POLR1A: variants seen among roughly 807,000 people sequenced by gnomAD.
The protein encoded by POLR1A is DNA-directed RNA polymerase I subunit RPA1.
A neutral mutation model predicts 205.3 loss-of-function variants in POLR1A; 84 were observed. That is an observed-to-expected ratio of 0.41 (90% CI 0.34 to 0.49). The LOEUF is 0.49. POLR1A is among the 20% of genes least tolerant of loss of function. POLR1A has a pLI of 0.22. For missense variants in POLR1A, 1,645 were observed against 2,204.5 expected (o/e 0.75, Z 5.08); for synonymous variants, 799 against 863.7 (o/e 0.93, Z 1.31).
At chr2:86,097,710 G>C (rs1435334317) in intron 3 of POLR1A, among the ~76,000 whole-genome samples, 5 of 152,138 alleles carry the variant, frequency 3.3e-5, no homozygotes, top group African/African-American at 1.2e-4. Flanking sequence ...AGAAGTAAAA[G>C]TAGAATAGAG....
At chr2:86,072,093 T>G (rs1336448286) in intron 12 of POLR1A, among the ~76,000 whole-genome samples, 1 of 152,206 alleles carries the variant, frequency 6.6e-6, no homozygotes, top group Non-Finnish European at 1.5e-5. Flanking sequence ...TCTCCCCGAT[T>G]CCTGTTCAGT....
chr2:86,057,995 C>A (rs1295649726), intron 14 of POLR1A, among the ~76,000 whole-genome samples: 1 of 152,186 alleles, frequency 6.6e-6, no homozygotes, highest in African/African-American at 2.4e-5. Flanking sequence ...AGTGCTGTGG[C>A]ACAATCATAG....
chr2:86,049,109 C>A, intron 17 of POLR1A, 51 bp downstream of exon 17: 1 of 1,610,686 alleles, frequency 6.2e-7, no homozygotes, highest in Non-Finnish European at 8.5e-7. Context: ...TTTGACTCAG[C>A]ACACACTTCA....
At chr2:86,082,210 A>T (rs1330590363) in intron 7 of POLR1A, among the ~76,000 whole-genome samples, 1 of 152,082 alleles carries the variant, frequency 6.6e-6, no homozygotes, top group Non-Finnish European at 1.5e-5. Context: ...TGATAGCATA[A>T]AAATGGGTAC....
In POLR1A at chr2:86,060,547, C is replaced by T. The variant is rs1672975577; in HGVS notation, c.2058+4727G>A. The stretch of plus-strand genomic sequence containing the variant: ...AAACATACCCACTCATATATTACTA[C>T]TTGGTTTGTGACACAGGAGTACTAG... On this transcript the variant is annotated intron_variant, in intron 14 of 33. Transcript: ENST00000263857. Among the ~76,000 whole-genome samples, 2 of 152,164 alleles carry T rather than the reference C, an allele frequency of 1.3e-5. 1 individual carries two copies. Among genetic ancestry groups the T allele is most frequent in the South Asian group, 4.1e-4 (2 of 4,824 alleles).
chr2:86,092,371 G>A lies in POLR1A; in HGVS notation c.433-2442C>T, dbSNP rs187016929. Among the ~76,000 whole-genome samples the A allele has an allele frequency of 7.2e-5, 11 of 152,328 alleles. No individual in the cohort carries two copies. In the East Asian group the frequency reaches 1.2e-3, roughly 16 times the overall value. On this transcript the variant is annotated intron_variant, in intron 3 of 33. Coordinates refer to ENST00000263857, the MANE Select transcript of POLR1A (RefSeq NM_015425.6). ...CTAGGCCAGGGGGGCTCCCATAGCC[G>A]CTGATGTGATCTCGTTCCTTTGCGT...
At chr2:86,093,728 G>A (rs1673652419) in intron 3 of POLR1A, among the ~76,000 whole-genome samples, 1 of 152,170 alleles carries the variant, frequency 6.6e-6, no homozygotes. Context: ...TACTCGTGAG[G>A]CTGAGGTGGG....
chr2:86,054,216 A>C lies in POLR1A; in HGVS notation c.2132T>G (p.Ile711Ser). The C allele has an allele frequency of 6.2e-7, 1 of 1,613,924 alleles. No homozygotes were observed. The highest frequency in any genetic ancestry group is 8.5e-7 in the Non-Finnish European group (1 of 1,179,862). ...IPLNLSGKAK[I>S]TGKAWVKETP... ...TTCCTTCACCCAGGCTTTCCCAGTG[A>C]TTTTCGCCTTTCCAGATAAGTTCAG... is the stretch of plus-strand genomic sequence containing the variant. The change falls in exon 15 of 34, where the codon ATC becomes AGC. Residue 711 changes from isoleucine to serine, a missense_variant. By Grantham distance (142) the Ile-to-Ser change is moderately radical. Coordinates refer to ENST00000263857, the MANE Select transcript of POLR1A (RefSeq NM_015425.6).
At chr2:86,079,841 C>T (rs1435195955) in intron 9 of POLR1A, among the ~76,000 whole-genome samples, 2 of 152,316 alleles carry the variant, frequency 1.3e-5, no homozygotes, top group African/African-American at 4.8e-5. Flanking sequence ...GGATTACAGG[C>T]TTGAGCTATC....
intron 3 of POLR1A, among the ~76,000 whole-genome samples, chr2:86,094,238 C>T (rs956927907): frequency 6.6e-6 from 1 of 152,178 alleles, no homozygotes; most frequent in Non-Finnish European, 1.5e-5. Flanking sequence ...CGTTAGTAGC[C>T]TGTTAAACTT....
At position 86,052,925 on chromosome 2, in the gene POLR1A, C is replaced by T. The variant is rs1479472523; in HGVS notation, c.2284G>A (p.Val762Ile). The T allele has an allele frequency of 1.2e-6, 2 of 1,609,370 alleles. No individual in the cohort carries two copies. The highest frequency in any genetic ancestry group is 2.7e-5 in the African/African-American group (2 of 74,570). The stretch of plus-strand genomic sequence containing the variant: ...CCATAGATCTCATAGCAGCAGTGGA[C>T]CAGGCCGTAGGCGGAGCTCCCATAG... Reference protein sequence around the residue: ...AHYGSSAYGLVHCCYEIYGGE... With the variant: ...AHYGSSAYGLIHCCYEIYGGE... The change falls in exon 16 of 34, where the codon GTC (valine) becomes ATC (isoleucine). Residue 762 changes from valine (V) to isoleucine (I), a missense_variant. Coordinates refer to ENST00000263857, the MANE Select transcript of POLR1A (RefSeq NM_015425.6).
Position 86,081,699 on chromosome 2 carries a change from A to G in POLR1A, c.825T>C (p.Phe275=), listed in dbSNP as rs758302825. 14 of 1,601,694 alleles carry G rather than the reference A, an allele frequency of 8.7e-6. No individual in the cohort carries two copies. Among genetic ancestry groups the G allele is most frequent in the Non-Finnish European group, 1.2e-5 (14 of 1,169,896 alleles). The change falls in exon 8 of 34, where the codon TTT becomes TTC. Residue 275 remains phenylalanine (F), a synonymous_variant. Transcript: ENST00000263857. ...LSALWKNEGF[F]LNYLFSGMDD... is the part of the protein sequence containing the mutation. ...CCATTCCCGAAAAAAGGTAGTTCAG[A>G]AAGAATCCTGCGTTGGAAAGAAATA...
At position 86,081,008 on chromosome 2, in the gene POLR1A, G is replaced by A. The variant is rs575837535; in HGVS notation, c.924-30C>T. ...AGGGGGACATACGGAATAAATGAAT[G>A]TTTAGTGTGAGGAAAGGGTCATGTT... On this transcript the variant is annotated intron_variant, in intron 8 of 33. Coordinates refer to ENST00000263857, the MANE Select transcript of POLR1A (RefSeq NM_015425.6). 3.8e-6 allele frequency: 6 copies of A among 1,585,644 alleles called. No individual in the cohort carries two copies. The Admixed American group carries it at 6.9e-5, about 18-fold the overall frequency.
At chr2:86,037,287 CCAA>C (rs998371782) in intron 27 of POLR1A, among the ~76,000 whole-genome samples, 2 of 152,368 alleles carry the variant, frequency 1.3e-5, no homozygotes, top group African/African-American at 2.4e-5. Flanking sequence ...TGAGGCCCAG[CCAA>C]CAACAACTTC....
intron 29 of POLR1A, 62 bp downstream of exon 29, chr2:86,032,210 T>C (rs1672411151): frequency 7.7e-6 from 9 of 1,163,684 alleles, no homozygotes; most frequent in Non-Finnish European, 1.2e-5. Context: ...AGATAATCCC[T>C]CCAGGTTAAC....
intron 9 of POLR1A, among the ~76,000 whole-genome samples, chr2:86,080,289 AG>A (rs1175464305): frequency 1.3e-5 from 2 of 152,178 alleles, no homozygotes; most frequent in Non-Finnish European, 2.9e-5. Context: ...GATGGGGCTC[AG>A]GAAATGTTAG....
chr2:86,036,195 C>T (rs1672493623), intron 27 of POLR1A, among the ~76,000 whole-genome samples: 1 of 152,216 alleles, frequency 6.6e-6, no homozygotes, highest in African/African-American at 2.4e-5. Flanking sequence ...GTCAGATTCA[C>T]AGAAGCTACA....
chr2:86,042,930 G>T, intron 23 of POLR1A, 44 bp downstream of exon 23: 1 of 1,418,576 alleles, frequency 7.0e-7, no homozygotes, highest in Non-Finnish European at 1.0e-6. Context: ...CACTGACTAA[G>T]CCTGGACGTG....
intron 12 of POLR1A, 41 bp downstream of exon 12, chr2:86,074,989 A>G (rs1267883201): frequency 1.4e-6 from 2 of 1,394,238 alleles, no homozygotes; most frequent in South Asian, 2.5e-5. Context: ...GAATCCGAAC[A>G]GGAGCCGGAT....
Sources: gnomAD v4.1 joint callset for allele counts (sites outside exome capture counted in the v4.1 genomes callset) on GRCh38, gnomAD v4.1.1 for gene constraint, MANE v1.5 for transcripts, NCBI Gene and HGNC (gene_info 2026-07-23, HGNC 2026-07-21) for gene names.